The following DAZAP1 variants were observed in gnomAD, a reference collection of about 807,000 sequenced individuals.
DAZAP1 encodes the protein DAZ-associated protein 1.
In DAZAP1, 6 loss-of-function variants were observed where a neutral mutation model predicts 60.1. The observed-to-expected ratio is 0.10, with a 90% CI of 0.05 to 0.20. DAZAP1 has a LOEUF of 0.20. DAZAP1 is among the 10% of genes least tolerant of loss of function. The pLI, the probability that DAZAP1 is intolerant of heterozygous loss-of-function variation, is 1.00. For synonymous variants in DAZAP1, 235 were observed against 215.9 expected (o/e 1.09, Z -0.78); for missense variants, 366 against 560.4 (o/e 0.65, Z 3.50).
intron 5 of DAZAP1, among the ~76,000 whole-genome samples, chr19:1,421,708 A>G (rs1343452362): frequency 6.6e-6 from 1 of 152,152 alleles, no homozygotes; most frequent in African/African-American, 2.4e-5. Context: ...GAGCCCTCCT[A>G]GTCACCCAAG....
chr19:1,432,468 C>T lies in DAZAP1; in HGVS notation c.872-46C>T. On this transcript the variant is annotated intron_variant, in intron 10 of 11. Coordinates refer to ENST00000233078, the MANE Select transcript of DAZAP1 (RefSeq NM_018959.4). The surrounding 1 kb of genome is among the most constrained non-coding windows in gnomAD (Gnocchi z 4.9). The stretch of plus-strand genomic sequence containing the variant: ...TGTGGGTCTCCTGCTGGTCTGCCCC[C>T]AGCTGCACAACGTGTCTTGTGCCTT... 6.2e-7 allele frequency: 1 copy of T among 1,605,854 alleles called. No homozygotes were observed. Among genetic ancestry groups the T allele is most frequent in the Non-Finnish European group, 8.5e-7 (1 of 1,174,320 alleles).
At chr19:1,417,087 A>G (rs1308992630) in intron 1 of DAZAP1, 1 of 192,348 alleles carries the variant, frequency 5.2e-6, no homozygotes, top group Non-Finnish European at 1.0e-5. Flanking sequence ...CTTCTAGTTT[A>G]CTGTGCATCA....
Position 1,424,614 on chromosome 19 carries a change from C to T in DAZAP1, c.464-1264C>T, listed in dbSNP as rs900985266. On this transcript the variant is annotated intron_variant, in intron 6 of 11. Coordinates refer to ENST00000233078, the MANE Select transcript of DAZAP1 (RefSeq NM_018959.4). ...AGGCCCCACAGTAGGCTGCTCCTTC[C>T]GGGGGCCGTTGCCTGTTCCCACCCC... is the stretch of plus-strand genomic sequence containing the variant. Among the ~76,000 whole-genome samples, 6 of 151,932 alleles carry T rather than the reference C, an allele frequency of 3.9e-5. No individual in the cohort carries two copies. In the East Asian group the frequency reaches 5.8e-4, roughly 15 times the overall value.
intron 8 of DAZAP1, among the ~76,000 whole-genome samples, chr19:1,429,311 T>C (rs931758145): frequency 1.3e-5 from 2 of 152,196 alleles, no homozygotes; most frequent in African/African-American, 2.4e-5. Context: ...CACGAAACCC[T>C]GAGAGGGCTG....
chr19:1,407,740 C>G lies in DAZAP1; in HGVS notation c.-34C>G. ...CCGGAGGCGGGAGCGAGCGAGGAGG[C>G]CCGGGAGCGCCGAGCGTCGCCGCCG... On this transcript the variant is annotated 5_prime_UTR_variant, in exon 1 of 12. Transcript: ENST00000233078. 9.3e-7 allele frequency: 1 copy of G among 1,081,026 alleles called. No individual in the cohort carries two copies. The highest frequency in any genetic ancestry group is 1.1e-6 in the Non-Finnish European group (1 of 893,082). The allele number at this position is 1,081,026 out of a possible 1,614,324, so 67.0% of individuals were successfully genotyped here.
Position 1,434,109 on chromosome 19 carries a change from C to G in DAZAP1, c.1049-628C>G. 2.1e-6 allele frequency: 1 copy of G among 472,562 alleles called. No homozygotes were observed. The highest frequency in any genetic ancestry group is 3.9e-6 in the Non-Finnish European group (1 of 259,646). 29.3% of individuals were successfully genotyped at this position (472,562 alleles called of 1,614,324 possible). ...GGGGTGGGGAGCGGCGTGAGCAGCT[C>G]TGTCCTTGTAAAGACACCGCTGTCC... On this transcript the variant is annotated intron_variant, in intron 11 of 11. Transcript: ENST00000233078. The surrounding 1 kb of genome is among the most constrained non-coding windows in gnomAD (Gnocchi z 8.0).
intron 2 of DAZAP1, 88 bp downstream of exon 2, chr19:1,417,628 G>C (rs1248994500): frequency 1.6e-6 from 2 of 1,245,956 alleles, no homozygotes; most frequent in Non-Finnish European, 2.3e-6. Context: ...TCTTGCTACT[G>C]TCTTGGATAT....
In DAZAP1 at chr19:1,433,121, T is replaced by C. The variant is rs1358360301; in HGVS notation, c.1048+431T>C. ...CCGCTTGGGGCAGAAGCTGGGTCTG[T>C]AGTAGGCGTGGCCTGGACGTGGGCT... On this transcript the variant is annotated intron_variant, in intron 11 of 11. Transcript: ENST00000233078. The surrounding 1 kb of genome is among the most constrained non-coding windows in gnomAD (Gnocchi z 6.1). The C allele has an allele frequency of 5.1e-6, 1 of 194,452 alleles. No individual in the cohort carries two copies. Among genetic ancestry groups the C allele is most frequent in the Non-Finnish European group, 1.1e-5 (1 of 94,128 alleles). The allele number at this position is 194,452 out of a possible 1,614,324, so 12.0% of individuals were successfully genotyped here.
Position 1,416,509 on chromosome 19 carries a change from C to T in DAZAP1, c.30-991C>T, listed in dbSNP as rs1356635012. ...CGATAGAACCACCTCTTCCCTGCCT[C>T]CTGGGCTTGGGGGAAGCTTGAATGA... On this transcript the variant is annotated intron_variant, in intron 1 of 11. Coordinates refer to ENST00000233078, the MANE Select transcript of DAZAP1 (RefSeq NM_018959.4). The surrounding 1 kb of genome is among the most constrained non-coding windows in gnomAD (Gnocchi z 4.3). 1.3e-5 allele frequency: 2 copies of T among 152,254 alleles called. No homozygotes were observed. Among genetic ancestry groups the T allele is most frequent in the Non-Finnish European group, 2.9e-5 (2 of 68,052 alleles). 9.4% of individuals were successfully genotyped at this position (152,254 alleles called of 1,614,324 possible). A position where few individuals can be genotyped will look rare whatever the true frequency, so the allele number is the denominator to read the frequency against.
chr19:1,408,235 C>T (rs575697875), intron 1 of DAZAP1, among the ~76,000 whole-genome samples: 80 of 152,272 alleles, frequency 5.3e-4, no homozygotes, highest in African/African-American at 1.9e-3. Flanking sequence ...GTTGTGGCGG[C>T]CCCGAACGGG....
chr19:1,428,774 G>T lies in DAZAP1; in HGVS notation c.547-68G>T. On this transcript the variant is annotated intron_variant, in intron 7 of 11. Transcript: ENST00000233078. The surrounding 1 kb of genome is among the most constrained non-coding windows in gnomAD (Gnocchi z 4.0). ...AAGTGTAGTCATAAGTTACCCGAGG[G>T]TGTGTCTAAAGGGAAGGGGGTGCTG... 1 of 1,583,734 alleles carries T rather than the reference G, an allele frequency of 6.3e-7. No homozygotes were observed. Among genetic ancestry groups the T allele is most frequent in the Non-Finnish European group, 8.6e-7 (1 of 1,160,778 alleles).
At position 1,433,844 on chromosome 19, in the gene DAZAP1, T is replaced by C. The variant is rs751096112; in HGVS notation, c.1049-893T>C. 4.3e-6 allele frequency: 7 copies of C among 1,610,056 alleles called. No individual in the cohort carries two copies. Among genetic ancestry groups the C allele is most frequent in the South Asian group, 2.2e-5 (2 of 90,992 alleles). On this transcript the variant is annotated intron_variant, in intron 11 of 11. Transcript: ENST00000233078. The surrounding 1 kb of genome is among the most constrained non-coding windows in gnomAD (Gnocchi z 6.1). ...GTGGCCTAGGTAGGTGCCGCCTCCT[T>C]CTCCAGGGTCCTCCCACCCGCCTGC...
In DAZAP1 at chr19:1,407,661, C is replaced by T. The variant is rs2082703703; in HGVS notation, c.-113C>T. ...CCGCCGCCGCCGCCGCCGCCGCCGC[C>T]GTTGCGCAGATCCGGGCCGCGGCTG... On this transcript the variant is annotated 5_prime_UTR_variant, in exon 1 of 12. Transcript: ENST00000233078. The T allele has an allele frequency of 1.0e-6, 1 of 964,164 alleles. No individual in the cohort carries two copies. Among genetic ancestry groups the T allele is most frequent in the Non-Finnish European group, 1.2e-6 (1 of 807,628 alleles). 59.7% of individuals were successfully genotyped at this position (964,164 alleles called of 1,614,324 possible).
intron 1 of DAZAP1, among the ~76,000 whole-genome samples, chr19:1,409,058 G>A (rs1023952491): frequency 5.3e-4 from 80 of 152,270 alleles, no homozygotes; most frequent in African/African-American, 1.9e-3. Context: ...GCCTTTTGTG[G>A]GCTCTCCCCC....
Position 1,422,197 on chromosome 19 carries a change from C to T in DAZAP1, c.415-151C>T. 1 of 671,542 alleles carries T rather than the reference C, an allele frequency of 1.5e-6. No homozygotes were observed. The allele number at this position is 671,542 out of a possible 1,614,324, so 41.6% of individuals were successfully genotyped here. A position where few individuals can be genotyped will look rare whatever the true frequency, so the allele number is the denominator to read the frequency against. On this transcript the variant is annotated intron_variant, in intron 5 of 11. Transcript: ENST00000233078. The surrounding 1 kb of genome is among the most constrained non-coding windows in gnomAD (Gnocchi z 4.5). Reference sequence around the variant, plus strand: ...CTCCAGCCTTTCTCAGACAGCAGCCCCACGGAGCAGCTGTTGCCCGTGCAC... The same window carrying T: ...CTCCAGCCTTTCTCAGACAGCAGCCTCACGGAGCAGCTGTTGCCCGTGCAC...
chr19:1,430,385 G>A (rs758100120), intron 10 of DAZAP1, 23 bp downstream of exon 10: 13 of 1,477,874 alleles, frequency 8.8e-6, no homozygotes, highest in Non-Finnish European at 1.1e-5. Context: ...GGCCTTGTGG[G>A]AGGGCCTCCC....
chr19:1,410,158 C>T (rs936879628), intron 1 of DAZAP1: 1 of 152,298 alleles, frequency 6.6e-6, no homozygotes, highest in African/African-American at 2.4e-5. Context: ...GGTCCCTGTG[C>T]TGGCTTAGAA....
intron 1 of DAZAP1, chr19:1,409,947 C>G (rs2082778289): frequency 6.6e-6 from 1 of 152,358 alleles, no homozygotes; most frequent in South Asian, 2.1e-4. Context: ...CCGCCGGACC[C>G]CGCTTGGAGG....
chr19:1,421,641 G>T (rs138366309), intron 5 of DAZAP1, among the ~76,000 whole-genome samples: 2 of 152,252 alleles, frequency 1.3e-5, no homozygotes, highest in South Asian at 4.1e-4. Flanking sequence ...GAGAATGCCC[G>T]AGCTCCGTTG....
Sources: gnomAD v4.1 joint callset for allele counts (sites outside exome capture counted in the v4.1 genomes callset) on GRCh38, gnomAD v4.1.1 for gene constraint, Gnocchi (gnomAD v3.1) non-coding constraint, MANE v1.5 for transcripts, NCBI Gene and HGNC (gene_info 2026-07-23, HGNC 2026-07-21) for gene names.